Variants in PPP4R1 observed in about 807,000 individuals in gnomAD.
PPP4R1 encodes protein phosphatase 4 regulatory subunit 1.
Under a neutral mutation model 111.2 loss-of-function variants are expected in PPP4R1, and 42 were observed. That is an observed-to-expected ratio of 0.38 (90% confidence interval 0.29 to 0.49). The LOEUF (loss-of-function observed/expected upper bound fraction) is 0.49, where lower values mean the gene tolerates loss of function less well. Ranked by LOEUF, PPP4R1 falls within the 20% of genes least tolerant of loss-of-function variation. The probability of loss-of-function intolerance (pLI) is 0.97; values close to 1 mark genes in which losing one functional copy is unlikely to be tolerated. For missense variants in PPP4R1, 1,012 were observed against 1,161.6 expected (o/e 0.87, Z 1.87); for synonymous variants, 409 against 405.5 (o/e 1.01, Z -0.10).
intron 10 of PPP4R1, among the ~76,000 whole-genome samples, chr18:9,575,745 T>C (rs981327444): frequency 3.3e-5 from 5 of 152,218 alleles, no homozygotes; most frequent in African/African-American, 1.2e-4. Flanking sequence ...TCCATTTATG[T>C]AATGTCTACG....
At chr18:9,561,241 A>T (rs1278806966) in intron 13 of PPP4R1, among the ~76,000 whole-genome samples, 17 of 148,800 alleles carry the variant, frequency 1.1e-4, no homozygotes, top group Non-Finnish European at 2.2e-4. Flanking sequence ...TAATAATAAT[A>T]ATAATAATAA....
intron 11 of PPP4R1, 89 bp downstream of exon 11, chr18:9,570,068 G>A: frequency 7.3e-7 from 1 of 1,375,120 alleles, no homozygotes; most frequent in South Asian, 1.6e-5. Context: ...ATTATTAAAT[G>A]ACAATTTTTT....
chr18:9,612,070 TGTAAG>T (rs2067590885), intron 2 of PPP4R1, among the ~76,000 whole-genome samples: 1 of 152,168 alleles, frequency 6.6e-6, no homozygotes, highest in African/African-American at 2.4e-5. Context: ...ACCTTCATTC[TGTAAG>T]GTTCAACATC....
At chr18:9,610,873 C>T (rs2067567856) in intron 2 of PPP4R1, among the ~76,000 whole-genome samples, 1 of 150,908 alleles carries the variant, frequency 6.6e-6, no homozygotes, top group East Asian at 1.9e-4. Context: ...TGTGTACACA[C>T]ACACACACAC....
chr18:9,588,126 G>C lies in PPP4R1; in HGVS notation c.548C>G (p.Pro183Arg). ...VCPVLIELTA[P>R]DSNDDVKTEA... ...TGTTTTCACATCATCATTGCTATCT[G>C]GGGCTGTCAGCTCTATGAGGACAGG... is the stretch of plus-strand genomic sequence containing the variant. Residue 183 changes from proline to arginine, a missense_variant, in exon 6 of 20, where the codon CCA becomes CGA. By Grantham distance (103) the Pro-to-Arg change is moderately radical. This residue lies in a region of PPP4R1 where 707 missense variants were observed against 742.1 expected (regional missense o/e 0.95). Coordinates refer to ENST00000400556, the MANE Select transcript of PPP4R1 (RefSeq NM_001042388.3). The C allele has an allele frequency of 6.2e-7, 1 of 1,614,128 alleles. No homozygotes were observed. Among genetic ancestry groups the C allele is most frequent in the Non-Finnish European group, 8.5e-7 (1 of 1,180,024 alleles).
In PPP4R1 at chr18:9,562,003, C is replaced by T. The variant is rs1598901073; in HGVS notation, c.1819G>A (p.Glu607Lys). 1 of 1,612,070 alleles carries T rather than the reference C, an allele frequency of 6.2e-7. No individual in the cohort carries two copies. Among genetic ancestry groups the T allele is most frequent in the African/African-American group, 1.3e-5 (1 of 74,860 alleles). The change falls in exon 13 of 20, where the codon GAG becomes AAG. Residue 607 changes from glutamate to lysine, a missense_variant. Glu to Lys is a moderately conservative substitution (Grantham distance 56). This residue lies in a region of PPP4R1 where 707 missense variants were observed against 742.1 expected (regional missense o/e 0.95). Transcript: ENST00000400556. Reference protein sequence around the residue: ...LSNNSSFSPDEERRTKVQDVV... With the variant: ...LSNNSSFSPDKERRTKVQDVV... ...ACTTGTACTTTAGTTCTCCTTTCCT[C>T]ATCAGGGCTAAAACTGCTATTGTTG...
At chr18:9,599,819 A>G (rs2067350431) in intron 2 of PPP4R1, 1 of 152,216 alleles carries the variant, frequency 6.6e-6, no homozygotes, top group African/African-American at 2.4e-5. Flanking sequence ...ATAAACAATA[A>G]AATTGATTCT....
Position 9,557,164 on chromosome 18 carries a change from G to C in PPP4R1, c.2190+57C>G. On this transcript the variant is annotated intron_variant, in intron 15 of 19. Coordinates refer to ENST00000400556, the MANE Select transcript of PPP4R1 (RefSeq NM_001042388.3). ...TCTCTTGGTGATAGCAGAAGATAAA[G>C]ATTTAGATTACGGCAGAATTTTGTT... The C allele has an allele frequency of 2.0e-6, 3 of 1,463,560 alleles. No homozygotes were observed. The East Asian group carries it at 7.0e-5, about 34-fold the overall frequency. The allele number at this position is 1,463,560 out of a possible 1,614,324, so 90.7% of individuals were successfully genotyped here. A position where few individuals can be genotyped will look rare whatever the true frequency, so the allele number is the denominator to read the frequency against.
At chr18:9,603,641 C>T (rs2067429754) in intron 2 of PPP4R1, among the ~76,000 whole-genome samples, 1 of 149,622 alleles carries the variant, frequency 6.7e-6, no homozygotes, top group Non-Finnish European at 1.5e-5. Context: ...TGCCACCCAC[C>T]ATGCCCAGGT....
Position 9,614,539 on chromosome 18 carries a change from G to C in PPP4R1, c.-55C>G. On this transcript the variant is annotated 5_prime_UTR_variant, in exon 1 of 20. Transcript: ENST00000400556. This position sits in a 1 kb window ranked among gnomAD's most constrained non-coding sequence, Gnocchi z 4.1. Reference sequence around the variant, plus strand: ...CCGGGGAGCCGGGGCTACATGGAGCGGCGCGAGCCGGGGAGCCGGTGGACG... The same window carrying C: ...CCGGGGAGCCGGGGCTACATGGAGCCGCGCGAGCCGGGGAGCCGGTGGACG... The C allele has an allele frequency of 4.0e-6, 4 of 1,001,108 alleles. No homozygotes were observed. Among genetic ancestry groups the C allele is most frequent in the East Asian group, 1.9e-4 (2 of 10,300 alleles). The allele number at this position is 1,001,108 out of a possible 1,614,324, so 62.0% of individuals were successfully genotyped here. A position where few individuals can be genotyped will look rare whatever the true frequency, so the allele number is the denominator to read the frequency against.
chr18:9,550,214 G>A (rs2066467498), intron 17 of PPP4R1, 28 bp from the exon 18 acceptor site: 1 of 1,614,152 alleles, frequency 6.2e-7, no homozygotes, highest in Non-Finnish European at 8.5e-7. Flanking sequence ...GAGAAATGAG[G>A]AACAGCTTCC....
At chr18:9,564,697 GGTGTGTGTGTGTGTGT>G (rs1178823297) in intron 11 of PPP4R1, among the ~76,000 whole-genome samples, 35 of 93,578 alleles carry the variant, frequency 3.7e-4, no homozygotes, top group Non-Finnish European at 5.7e-4. Flanking sequence ...TAAAGTGCAT[GGTGTGTGTGTGTGTGT>G]GTGTGTGTGT....
intron 4 of PPP4R1, among the ~76,000 whole-genome samples, 169 bp from the exon 5 acceptor site, chr18:9,589,022 A>C (rs144725532): frequency 2.5e-3 from 381 of 152,328 alleles, no homozygotes; most frequent in African/African-American, 8.8e-3. Flanking sequence ...ACACAGATCA[A>C]TCCCATGAGT....
intron 2 of PPP4R1, chr18:9,613,992 G>A (rs1319747829): frequency 3.5e-6 from 1 of 289,790 alleles, no homozygotes; most frequent in Non-Finnish European, 6.4e-6. Flanking sequence ...AGCGAAGGGC[G>A]GAAAGCGAAC....
chr18:9,561,035 C>T (rs1460643262), intron 13 of PPP4R1, among the ~76,000 whole-genome samples: 1 of 151,242 alleles, frequency 6.6e-6, no homozygotes, highest in Non-Finnish European at 1.5e-5. Context: ...CTGGCCAACA[C>T]GGCGAAACAC....
At chr18:9,611,750 G>A (rs1361545923) in intron 2 of PPP4R1, among the ~76,000 whole-genome samples, 1 of 152,034 alleles carries the variant, frequency 6.6e-6, no homozygotes, top group South Asian at 2.1e-4. Context: ...AGTGGCTCAC[G>A]CCTGTAATCC....
chr18:9,598,265 A>T (rs1428060525), intron 2 of PPP4R1, among the ~76,000 whole-genome samples: 2 of 152,324 alleles, frequency 1.3e-5, no homozygotes, highest in African/African-American at 4.8e-5. Flanking sequence ...TGAAGAAATA[A>T]TGGACAAAAT....
chr18:9,554,993 A>C lies in PPP4R1; in HGVS notation c.2191-1571T>G, dbSNP rs891536036. ...AGGCACAGGTTATTTTTACATGGGA[A>C]TGTTACTTAATAAAAACAGAAGGAA... On this transcript the variant is annotated intron_variant, in intron 15 of 19. Transcript: ENST00000400556. 3.9e-5 allele frequency among the ~76,000 whole-genome samples: 6 copies of C among 152,346 alleles called. No individual in the cohort carries two copies. The South Asian group carries it at 6.2e-4, about 16-fold the overall frequency.
At chr18:9,578,983 G>GA (rs1414772404) in intron 9 of PPP4R1, among the ~76,000 whole-genome samples, 1 of 152,144 alleles carries the variant, frequency 6.6e-6, no homozygotes, top group African/African-American at 2.4e-5. Flanking sequence ...AGATTAGAAT[G>GA]AAAAAAGTTT....
Sources: gnomAD v4.1 joint callset for allele counts (sites outside exome capture counted in the v4.1 genomes callset) on GRCh38, gnomAD v4.1.1 for gene constraint, gnomAD v4.1.1 regional missense constraint, Gnocchi (gnomAD v3.1) non-coding constraint, MANE v1.5 for transcripts, NCBI Gene and HGNC (gene_info 2026-07-23, HGNC 2026-07-21) for gene names.